PRDM5: variants seen among roughly 807,000 people sequenced by gnomAD.
PRDM5 encodes the protein PR/SET domain 5.
Under a neutral mutation model 81.2 loss-of-function variants are expected in PRDM5, and 56 were observed. The ratio of observed to expected loss-of-function variants is 0.69; its 90% CI spans 0.56 to 0.86. The LOEUF (loss-of-function observed/expected upper bound fraction) is 0.86, where lower values mean the gene tolerates loss of function less well. Ranked by LOEUF, PRDM5 falls within the 40% of genes least tolerant of loss-of-function variation. The probability of loss-of-function intolerance (pLI) is 0.00; values close to 1 mark genes in which losing one functional copy is unlikely to be tolerated. For synonymous variants in PRDM5, 267 were observed against 256.4 expected, an observed-to-expected ratio of 1.04 and a Z score of -0.39; for missense variants, 697 against 770.1, an observed-to-expected ratio of 0.91 and a Z score of 1.12.
intron 7 of PRDM5, chr4:120,812,688 G>T: frequency 6.4e-6 from 2 of 310,294 alleles, no homozygotes; most frequent in East Asian, 1.2e-4. Flanking sequence ...TGTCAGATGG[G>T]TAGTTTGCAA....
chr4:120,895,250 T>G (rs1764485897), intron 2 of PRDM5, among the ~76,000 whole-genome samples: 1 of 152,174 alleles, frequency 6.6e-6, no homozygotes, highest in South Asian at 2.1e-4. Flanking sequence ...ATCACTACAT[T>G]CACATTTTTT....
intron 12 of PRDM5, among the ~76,000 whole-genome samples, chr4:120,777,602 A>G (rs1366874719): frequency 6.6e-6 from 1 of 152,110 alleles, no homozygotes; most frequent in African/African-American, 2.4e-5. Context: ...AAATAGGGCT[A>G]TAGCTACCCT....
At chr4:120,721,964 A>G (rs1470569864) in intron 14 of PRDM5, among the ~76,000 whole-genome samples, 1 of 152,208 alleles carries the variant, frequency 6.6e-6, no homozygotes, top group Non-Finnish European at 1.5e-5. Context: ...AGAGAGAGAC[A>G]GAGTTGTCCG....
chr4:120,685,374 T>C (rs931142414), intron 1 of PRDM5, among the ~76,000 whole-genome samples: 4 of 152,142 alleles, frequency 2.6e-5, no homozygotes, highest in Non-Finnish European at 4.4e-5. Context: ...TTTGATGTTT[T>C]AGTTAAAAGA....
chr4:120,900,469 G>C (rs1293660074), intron 2 of PRDM5, among the ~76,000 whole-genome samples: 1 of 152,170 alleles, frequency 6.6e-6, no homozygotes, highest in Non-Finnish European at 1.5e-5. Flanking sequence ...CATTAATAAA[G>C]TAGATATTTT....
At position 120,905,737 on chromosome 4, in the gene PRDM5, C is replaced by A. The variant is rs1765726459; in HGVS notation, c.177+1737G>T. The stretch of plus-strand genomic sequence containing the variant: ...GGTTCTATTTCTCTGAAGACCCTTA[C>A]TGATACATGCAAGAGAGACTCTCTA... On this transcript the variant is annotated intron_variant, in intron 2 of 15. Coordinates refer to ENST00000264808, the MANE Select transcript of PRDM5 (RefSeq NM_018699.4). Among the ~76,000 whole-genome samples the A allele has an allele frequency of 3.9e-5, 6 of 152,208 alleles. 1 individual carries two copies. The highest frequency in any genetic ancestry group is 3.9e-4 in the Admixed American group (6 of 15,290).
At chr4:120,733,892 TAA>T (rs60786051) in intron 14 of PRDM5, among the ~76,000 whole-genome samples, 94 of 132,252 alleles carry the variant, frequency 7.1e-4, no homozygotes, top group East Asian at 1.3e-3. Context: ...GACACAAAAG[TAA>T]AAAAAAAAAA....
chr4:120,755,270 T>C (rs1405595632), intron 13 of PRDM5, among the ~76,000 whole-genome samples: 1 of 152,136 alleles, frequency 6.6e-6, no homozygotes, highest in African/African-American at 2.4e-5. Flanking sequence ...ACACAGCACA[T>C]TTCAAAAAAA....
chr4:120,875,308 G>C (rs185839986), intron 2 of PRDM5, among the ~76,000 whole-genome samples: 128 of 152,336 alleles, frequency 8.4e-4, no homozygotes, highest in African/African-American at 3.0e-3. Flanking sequence ...AATTCCAATT[G>C]ATCAGTGGAG....
At chr4:120,826,053 T>C (rs1249907839) in intron 3 of PRDM5, among the ~76,000 whole-genome samples, 2 of 152,150 alleles carry the variant, frequency 1.3e-5, no homozygotes, top group Non-Finnish European at 2.9e-5. Flanking sequence ...TGACTGGGTC[T>C]ACCTCCTTCA....
intron 2 of PRDM5, among the ~76,000 whole-genome samples, chr4:120,863,266 C>A: frequency 6.7e-6 from 1 of 148,484 alleles, no homozygotes; most frequent in East Asian, 2.0e-4. Context: ...TGATCCTTCA[C>A]GGGAGGGAGA....
At chr4:120,897,233 G>C (rs1764733510) in intron 2 of PRDM5, 1 of 151,942 alleles carries the variant, frequency 6.6e-6, no homozygotes, top group Non-Finnish European at 1.5e-5. Flanking sequence ...TTTTATTAAT[G>C]ATATTTTTAC....
rs1023395477 is a variant in PRDM5 at position 120,777,259 on chromosome 4, T to C, written c.1466A>G (p.Lys489Arg). 3 of 1,613,416 alleles carry C rather than the reference T, an allele frequency of 1.9e-6. No homozygotes were observed. The highest frequency in any genetic ancestry group is 2.2e-5 in the South Asian group (2 of 91,068). Residue 489 changes from lysine to arginine, a missense_variant, in exon 13 of 16, where the codon AAA becomes AGA. By Grantham distance (26) the Lys-to-Arg change is conservative. Transcript: ENST00000264808. ...TTTCTGGCCACAATATGGACAGATTTTCTCCTTTTCTCCTGTATGTGTCTA... is the reference window on the plus strand; with the variant it reads ...TTTCTGGCCACAATATGGACAGATTCTCTCCTTTTCTCCTGTATGTGTCTA... ...HKKTHTGEKE[K>R]ICPYCGQKFA... is the part of the protein sequence containing the mutation.
intron 1 of PRDM5, among the ~76,000 whole-genome samples, chr4:120,913,883 G>A (rs1310235513): frequency 6.6e-6 from 1 of 152,188 alleles, no homozygotes; most frequent in Non-Finnish European, 1.5e-5. Flanking sequence ...AAAGTACAAG[G>A]AGACCAGAAA....
At chr4:120,827,284 C>A (rs1267080907) in intron 3 of PRDM5, among the ~76,000 whole-genome samples, 1 of 152,080 alleles carries the variant, frequency 6.6e-6, no homozygotes, top group African/African-American at 2.4e-5. Context: ...AACACACACA[C>A]AAAAGCTTCT....
At chr4:120,808,792 C>T (rs1426292598) in intron 8 of PRDM5, among the ~76,000 whole-genome samples, 3 of 152,222 alleles carry the variant, frequency 2.0e-5, no homozygotes, top group Non-Finnish European at 4.4e-5. Flanking sequence ...AAATTGAGCA[C>T]AGCAGCTGCT....
chr4:120,689,030 C>T (rs756168659), downstream of PRDM5, among the ~76,000 whole-genome samples: 2 of 152,150 alleles, frequency 1.3e-5, no homozygotes, highest in Non-Finnish European at 2.9e-5. Flanking sequence ...TTATCTAGAT[C>T]TGTGGTAAAC....
intron 13 of PRDM5, among the ~76,000 whole-genome samples, chr4:120,772,234 C>T (rs964549535): frequency 1.3e-5 from 2 of 152,292 alleles, no homozygotes; most frequent in African/African-American, 4.8e-5. Flanking sequence ...TGAACCCTGA[C>T]TACAAAATTT....
chr4:120,732,798 T>TCTGC (rs1311752243), intron 14 of PRDM5, among the ~76,000 whole-genome samples: 1 of 152,238 alleles, frequency 6.6e-6, no homozygotes, highest in African/African-American at 2.4e-5. Context: ...ATTCCTGCTA[T>TCTGC]AACTAGCTAT....
Sources: allele counts gnomAD v4.1 joint callset (sites outside exome capture counted in the v4.1 genomes callset), GRCh38; gene constraint gnomAD v4.1.1; transcripts MANE v1.5; gene names NCBI Gene and HGNC (gene_info 2026-07-23, HGNC 2026-07-21).